The following UNC13C variants were observed in gnomAD, a reference collection of about 807,000 sequenced individuals.
UNC13C encodes the protein unc-13 homolog C, also known as protein unc-13 homolog C.
UNC13C carries 174 observed loss-of-function variants against 245.4 expected under a neutral mutation model. The observed-to-expected ratio is 0.71, with a 90% CI of 0.63 to 0.80. The LOEUF (loss-of-function observed/expected upper bound fraction) is 0.80, where lower values mean the gene tolerates loss of function less well. Ranked by LOEUF, UNC13C falls within the 30% of genes least tolerant of loss-of-function variation. UNC13C has a pLI of 0.00. For missense variants in UNC13C, 2,829 were observed against 2,602.9 expected (o/e 1.09, Z -1.89); for synonymous variants, 992 against 895.1 (o/e 1.11, Z -1.93).
chr15:54,159,684 G>C (rs1298695551), intron 4 of UNC13C, among the ~76,000 whole-genome samples: 1 of 152,220 alleles, frequency 6.6e-6, no homozygotes, highest in African/African-American at 2.4e-5. Context: ...AGATGTATAA[G>C]GCTCATGGGG....
At chr15:54,070,304 G>A (rs1364978547) in intron 2 of UNC13C, among the ~76,000 whole-genome samples, 1 of 152,178 alleles carries the variant, frequency 6.6e-6, no homozygotes, top group Non-Finnish European at 1.5e-5. Flanking sequence ...GGACCCTCAA[G>A]GATCTTATAA....
At chr15:53,854,592 G>A in the UNC13C span, among the ~76,000 whole-genome samples, 73,026 of 151,938 alleles carry the variant, frequency 0.48, 17,923 homozygotes, top group East Asian at 0.62. Flanking sequence ...TTTGTCAAAG[G>A]TCAGATAGTT....
intron 19 of UNC13C, among the ~76,000 whole-genome samples, chr15:54,463,327 A>T (rs1475513604): frequency 4.3e-5 from 6 of 139,992 alleles, no homozygotes; most frequent in Non-Finnish European, 1.5e-5. Context: ...AAGCAGCAGT[A>T]GCAACCCACT....
chr15:54,065,025 T>C (rs2141086058), intron 2 of UNC13C, among the ~76,000 whole-genome samples: 1 of 152,336 alleles, frequency 6.6e-6, no homozygotes, highest in Middle Eastern at 3.4e-3. Flanking sequence ...TTCACCCCAA[T>C]GGTATCCTTG....
intron 2 of UNC13C, among the ~76,000 whole-genome samples, chr15:54,077,614 G>T (rs1488990347): frequency 2.0e-5 from 3 of 151,712 alleles, no homozygotes; most frequent in African/African-American, 7.3e-5. Context: ...CATGTGATCT[G>T]CCCACCTAGG....
intron 9 of UNC13C, 25 bp downstream of exon 9, chr15:54,264,420 TTG>T: frequency 6.5e-7 from 1 of 1,526,986 alleles, no homozygotes; most frequent in African/African-American, 1.4e-5. Flanking sequence ...TCTTAAAAAT[TTG>T]TATTGTAAAT....
At chr15:54,585,227 C>A (rs1898426260) in intron 30 of UNC13C, among the ~76,000 whole-genome samples, 1 of 152,100 alleles carries the variant, frequency 6.6e-6, no homozygotes, top group African/African-American at 2.4e-5. Flanking sequence ...CGGGGCAGAT[C>A]CTTCATGAAT....
At chr15:54,454,139 A>G (rs1211673901) in intron 19 of UNC13C, among the ~76,000 whole-genome samples, 1 of 149,476 alleles carries the variant, frequency 6.7e-6, no homozygotes, top group Non-Finnish European at 1.5e-5. Context: ...ATATATATAT[A>G]AAATACAATT....
At chr15:54,203,437 A>G (rs1008243836) in intron 4 of UNC13C, among the ~76,000 whole-genome samples, 2 of 149,308 alleles carry the variant, frequency 1.3e-5, no homozygotes, top group Non-Finnish European at 3.0e-5. Context: ...ATGCCCAACA[A>G]TCATGAGTGG....
chr15:54,332,664 A>G (rs942667155), intron 15 of UNC13C, among the ~76,000 whole-genome samples: 3 of 152,062 alleles, frequency 2.0e-5, no homozygotes, highest in Non-Finnish European at 2.9e-5. Context: ...ACATATGTGC[A>G]TAAGTATACA....
intron 2 of UNC13C, among the ~76,000 whole-genome samples, chr15:54,131,349 A>G (rs889298746): frequency 1.9e-4 from 29 of 152,170 alleles, no homozygotes; most frequent in African/African-American, 2.7e-4. Flanking sequence ...GTGTGATTCC[A>G]CATTGCGATT....
the UNC13C span, among the ~76,000 whole-genome samples, chr15:53,896,464 A>G: frequency 1.3e-5 from 2 of 152,096 alleles, no homozygotes; most frequent in Non-Finnish European, 2.9e-5. Context: ...TTCTTTGTGA[A>G]TCAGTATTTT....
In UNC13C at chr15:54,338,355, T is replaced by C. The variant is rs2038644501; in HGVS notation, c.4585-6T>C. On this transcript the variant is annotated splice_polypyrimidine_tract_variant and splice_region_variant and intron_variant, in intron 16 of 32. Coordinates refer to ENST00000260323, the MANE Select transcript of UNC13C (RefSeq NM_001080534.3). ...ATTTGAGAAAATAAATGTCTGTCTTTGTCAGGTTCTGGAGCTGCAAAGCCC... is the reference window on the plus strand; with the variant it reads ...ATTTGAGAAAATAAATGTCTGTCTTCGTCAGGTTCTGGAGCTGCAAAGCCC... 1 of 1,539,862 alleles carries C rather than the reference T, an allele frequency of 6.5e-7. No homozygotes were observed. Among genetic ancestry groups the C allele is most frequent in the African/African-American group, 1.6e-5 (1 of 61,434 alleles).
intron 17 of UNC13C, among the ~76,000 whole-genome samples, chr15:54,341,679 T>G (rs2038735158): frequency 6.6e-6 from 1 of 152,200 alleles, no homozygotes; most frequent in African/African-American, 2.4e-5. Flanking sequence ...TTTTCCAATA[T>G]TTCTCTGCTC....
At chr15:53,971,293 T>A in the UNC13C span, among the ~76,000 whole-genome samples, 3 of 152,022 alleles carry the variant, frequency 2.0e-5, no homozygotes, top group Non-Finnish European at 4.4e-5. Context: ...TGTACAAAAA[T>A]TAACTAAAAA....
At chr15:53,920,513 A>G in the UNC13C span, among the ~76,000 whole-genome samples, 1 of 152,180 alleles carries the variant, frequency 6.6e-6, no homozygotes, top group Non-Finnish European at 1.5e-5. Flanking sequence ...AGATTACCAC[A>G]CTGCACTCCA....
chr15:54,127,579 A>G (rs2031129718), intron 2 of UNC13C, among the ~76,000 whole-genome samples: 1 of 151,852 alleles, frequency 6.6e-6, no homozygotes, highest in African/African-American at 2.4e-5. Context: ...TAGGGAAGGG[A>G]TAGCATTAAG....
intron 17 of UNC13C, among the ~76,000 whole-genome samples, chr15:54,370,064 T>C (rs943905787): frequency 2.6e-5 from 4 of 152,312 alleles, no homozygotes; most frequent in Middle Eastern, 3.4e-3. Flanking sequence ...AACTCACTTA[T>C]TGTAGGACTG....
intron 17 of UNC13C, among the ~76,000 whole-genome samples, chr15:54,355,789 C>A (rs1429874820): frequency 6.6e-6 from 1 of 152,100 alleles, no homozygotes; most frequent in Non-Finnish European, 1.5e-5. Flanking sequence ...CCCAAGTACT[C>A]AGCCTCCCCT....
Sources: gnomAD v4.1 joint callset for allele counts (sites outside exome capture counted in the v4.1 genomes callset) on GRCh38, gnomAD v4.1.1 for gene constraint, MANE v1.5 for transcripts, NCBI Gene and HGNC (gene_info 2026-07-23, HGNC 2026-07-21) for gene names.